Variants in INPP5A observed in about 807,000 individuals in gnomAD.
INPP5A encodes the protein inositol polyphosphate-5-phosphatase A.
A neutral mutation model predicts 65.2 loss-of-function variants in INPP5A; 14 were observed. The observed-to-expected ratio is 0.21, with a 90% CI of 0.14 to 0.34. The LOEUF (loss-of-function observed/expected upper bound fraction) is 0.34. Ranked by LOEUF, INPP5A falls within the 10% of genes least tolerant of loss-of-function variation. The pLI, the probability that INPP5A is intolerant of heterozygous loss-of-function variation, is 1.00. For synonymous variants in INPP5A, 207 were observed against 208.3 expected (o/e 0.99, Z 0.05); for missense variants, 431 against 545.6 (o/e 0.79, Z 2.09).
At chr10:132,625,316 T>C (rs1564939030) in intron 2 of INPP5A, among the ~76,000 whole-genome samples, 1 of 151,910 alleles carries the variant, frequency 6.6e-6, no homozygotes, top group Non-Finnish European at 1.5e-5. Flanking sequence ...CAGCAGGATC[T>C]TTTTCTGTGG....
chr10:132,663,172 A>G lies in INPP5A; in HGVS notation c.306+12667A>G, dbSNP rs1166504245. ...CAGAGTGTGAGTAATTTTCCATTTT[A>G]TATACACATATGCGTATGTTATATA... On this transcript the variant is annotated intron_variant, in intron 4 of 15. Transcript: ENST00000368594. This position sits in a 1 kb window ranked among gnomAD's most constrained non-coding sequence, Gnocchi z 4.5. Among the ~76,000 whole-genome samples the G allele has an allele frequency of 1.3e-5, 2 of 152,220 alleles. No homozygotes were observed. The highest frequency in any genetic ancestry group is 4.8e-5 in the African/African-American group (2 of 41,450).
At chr10:132,636,462 AT>A in intron 2 of INPP5A, among the ~76,000 whole-genome samples, 1 of 152,164 alleles carries the variant, frequency 6.6e-6, no homozygotes, top group Non-Finnish European at 1.5e-5. Flanking sequence ...TACCCCTTAC[AT>A]GTATACAAAT....
chr10:132,643,282 A>G (rs769081902), intron 2 of INPP5A, among the ~76,000 whole-genome samples: 4 of 152,174 alleles, frequency 2.6e-5, no homozygotes, highest in Non-Finnish European at 5.9e-5. Flanking sequence ...TACTACTGCC[A>G]CTGTCTTTCT....
intron 2 of INPP5A, among the ~76,000 whole-genome samples, chr10:132,634,251 G>GGTGGGTGTGCCCCGGAGAGGCGTA (rs1564942634): frequency 6.8e-6 from 1 of 146,204 alleles, no homozygotes; most frequent in African/African-American, 2.7e-5. Flanking sequence ...GGAGAGGCGT[G>GGTGGGTGTGCCCCGGAGAGGCGTA]TCATCTCCCT....
chr10:132,685,707 C>T (rs956596678), intron 4 of INPP5A, among the ~76,000 whole-genome samples: 9 of 152,172 alleles, frequency 5.9e-5, no homozygotes, highest in African/African-American at 1.2e-4. Context: ...TGGCTCCGTC[C>T]GGGAGGTGGG....
rs1565017690 is a variant in INPP5A at position 132,781,934 on chromosome 10, T to A, written c.1232T>A (p.Val411Glu). 6.2e-7 allele frequency: 1 copy of A among 1,613,832 alleles called. No homozygotes were observed. Among genetic ancestry groups the A allele is most frequent in the Non-Finnish European group, 8.5e-7 (1 of 1,179,942 alleles). ...GCCCATGTGCACAAGTGTTGTGTCG[T>A]GCAGTGACGTGGTGGTAAATATGAC... Reference protein sequence around the residue: ...PHAHVHKCCVVQ With the variant: ...PHAHVHKCCVEQ The change falls in exon 15 of 16, where the codon GTG becomes GAG. Residue 411 changes from valine (V) to glutamate (E), a missense_variant. Val to Glu is a moderately radical substitution (Grantham distance 121). Transcript: ENST00000368594.
At chr10:132,780,637 C>T (rs919704382) in intron 13 of INPP5A, among the ~76,000 whole-genome samples, 13 of 152,266 alleles carry the variant, frequency 8.5e-5, no homozygotes, top group Admixed American at 2.0e-4. Flanking sequence ...GGTGCTGAGG[C>T]GCTGCCACAT....
rs1422206426 is a variant in INPP5A at position 132,588,690 on chromosome 10, A to T, written c.76-19225A>T. On this transcript the variant is annotated intron_variant, in intron 1 of 15. Transcript: ENST00000368594. ...GGCACCCACAGTGCTTTTTTTTTAA[A>T]TGACTTGTATTTGAAAGTTTTAAGG... Among the ~76,000 whole-genome samples, 4 of 152,154 alleles carry T rather than the reference A, an allele frequency of 2.6e-5. No homozygotes were observed. The East Asian group carries it at 5.8e-4, about 22-fold the overall frequency.
intron 1 of INPP5A, among the ~76,000 whole-genome samples, chr10:132,599,220 G>T (rs2071746688): frequency 6.6e-6 from 1 of 152,222 alleles, no homozygotes; most frequent in Admixed American, 6.5e-5. Context: ...TCATGTATGA[G>T]CCTGTAAAAT....
chr10:132,610,244 T>C (rs1747258897), intron 2 of INPP5A, among the ~76,000 whole-genome samples: 1 of 152,122 alleles, frequency 6.6e-6, no homozygotes. Flanking sequence ...GAAAGGTCGA[T>C]GTGGAGGAAG....
chr10:132,601,467 A>G (rs1410517398), intron 1 of INPP5A, among the ~76,000 whole-genome samples: 1 of 152,154 alleles, frequency 6.6e-6, no homozygotes, highest in Non-Finnish European at 1.5e-5. Context: ...CATCCTATTG[A>G]TAGTGGCTTT....
At chr10:132,633,869 C>T (rs1044552603) in intron 2 of INPP5A, among the ~76,000 whole-genome samples, 1 of 152,240 alleles carries the variant, frequency 6.6e-6, no homozygotes, top group African/African-American at 2.4e-5. Flanking sequence ...CCCATATAAA[C>T]ATGGAGAGAA....
intron 6 of INPP5A, among the ~76,000 whole-genome samples, chr10:132,701,497 G>A (rs1213514335): frequency 6.6e-6 from 1 of 152,246 alleles, no homozygotes; most frequent in Non-Finnish European, 1.5e-5. Context: ...ATTTGCCGTG[G>A]CTGGAGCAAC....
At chr10:132,579,113 G>C (rs2071447733) in intron 1 of INPP5A, among the ~76,000 whole-genome samples, 1 of 152,176 alleles carries the variant, frequency 6.6e-6, no homozygotes, top group East Asian at 1.9e-4. Context: ...GTGCCGGGCA[G>C]CTGTGAAATG....
rs189809115 is a variant in INPP5A, at chr10:132,697,606, G to A, written c.371-210G>A. Reference sequence around the variant, plus strand: ...TAATGGAGTGGAGTGTCAGATTCCAGGTCATGGGAGGGGAATTTATGAGCC... The same window carrying A: ...TAATGGAGTGGAGTGTCAGATTCCAAGTCATGGGAGGGGAATTTATGAGCC... On this transcript the variant is annotated intron_variant, in intron 5 of 15. Coordinates refer to ENST00000368594, the MANE Select transcript of INPP5A (RefSeq NM_005539.5). The surrounding 1 kb of genome is among the most constrained non-coding windows in gnomAD (Gnocchi z 5.6). 6.6e-6 allele frequency among the ~76,000 whole-genome samples: 1 copy of A among 152,264 alleles called. No homozygotes were observed. The highest frequency in any genetic ancestry group is 6.5e-5 in the Admixed American group (1 of 15,302).
At chr10:132,702,746 T>A (rs985446240) in intron 6 of INPP5A, among the ~76,000 whole-genome samples, 1 of 152,206 alleles carries the variant, frequency 6.6e-6, no homozygotes. Context: ...ACGGAGCACC[T>A]CTGCTCTCTC....
At chr10:132,652,333 C>T (rs1257420271) in intron 4 of INPP5A, among the ~76,000 whole-genome samples, 1 of 152,198 alleles carries the variant, frequency 6.6e-6, no homozygotes, top group Non-Finnish European at 1.5e-5. Context: ...CTGTGAAATA[C>T]CAGGTGTCCT....
intron 11 of INPP5A, among the ~76,000 whole-genome samples, chr10:132,755,951 C>T (rs565573426): frequency 3.0e-4 from 46 of 152,306 alleles, no homozygotes; most frequent in African/African-American, 1.0e-3. Flanking sequence ...CACACACAGC[C>T]CTCAGACATA....
intron 4 of INPP5A, among the ~76,000 whole-genome samples, chr10:132,679,081 C>T (rs1372681985): frequency 6.6e-6 from 1 of 152,192 alleles, no homozygotes; most frequent in Non-Finnish European, 1.5e-5. Context: ...AAAAGGCCAC[C>T]TTGGTGCCCG....
Sources: gnomAD v4.1 joint callset for allele counts (sites outside exome capture counted in the v4.1 genomes callset) on GRCh38, gnomAD v4.1.1 for gene constraint, Gnocchi (gnomAD v3.1) non-coding constraint, MANE v1.5 for transcripts, NCBI Gene and HGNC (gene_info 2026-07-23, HGNC 2026-07-21) for gene names.